The following BTRC variants were observed in gnomAD, a reference collection of about 807,000 sequenced individuals.
BTRC encodes F-box/WD repeat-containing protein 1A.
BTRC carries 42 observed loss-of-function variants against 85.5 expected under a neutral mutation model. That is an observed-to-expected ratio of 0.49 (90% CI 0.38 to 0.64). BTRC has a LOEUF of 0.64. Among genes scored for constraint, BTRC ranks in the 30% least tolerant of loss-of-function variants. The pLI is 0.00. For synonymous variants in BTRC, 255 were observed against 263.3 expected, an observed-to-expected ratio of 0.97 and a Z score of 0.30; for missense variants, 594 against 743.5, an observed-to-expected ratio of 0.80 and a Z score of 2.34.
intron 1 of BTRC, chr10:101,364,985 T>C (rs1243950635): frequency 6.6e-6 from 1 of 152,096 alleles, no homozygotes; most frequent in Non-Finnish European, 1.5e-5. Context: ...GATACTAAAC[T>C]GATGAGAACA....
chr10:101,524,836 C>G (rs2062166764), intron 5 of BTRC, among the ~76,000 whole-genome samples: 1 of 152,148 alleles, frequency 6.6e-6, no homozygotes, highest in Non-Finnish European at 1.5e-5. Context: ...TACATACGAA[C>G]ATGTGATGCC....
chr10:101,531,122 C>T (rs1275011777), intron 6 of BTRC, 115 bp from the exon 7 acceptor site: 1 of 779,984 alleles, frequency 1.3e-6, no homozygotes, highest in Non-Finnish European at 2.0e-6. Flanking sequence ...AGTGAGCCAA[C>T]ATCACACTGC....
At chr10:101,459,496 A>G (rs1945166170) in intron 2 of BTRC, among the ~76,000 whole-genome samples, 1 of 152,108 alleles carries the variant, frequency 6.6e-6, no homozygotes, top group African/African-American at 2.4e-5. Flanking sequence ...TATAAGTTGG[A>G]TTTTTTGTTT....
intron 2 of BTRC, among the ~76,000 whole-genome samples, chr10:101,431,303 C>A (rs950541619): frequency 6.6e-6 from 1 of 151,924 alleles, no homozygotes; most frequent in African/African-American, 2.4e-5. Flanking sequence ...TCTCGAACTC[C>A]TGACCTCAGG....
intron 1 of BTRC, among the ~76,000 whole-genome samples, chr10:101,420,864 A>G (rs536687651): frequency 6.6e-6 from 1 of 151,954 alleles, no homozygotes; most frequent in South Asian, 2.1e-4. Context: ...TTTATTTTTG[A>G]AAAACTCACT....
At chr10:101,505,177 A>ATATT (rs1344102937) in intron 4 of BTRC, among the ~76,000 whole-genome samples, 25 of 139,394 alleles carry the variant, frequency 1.8e-4, no homozygotes, top group Admixed American at 6.5e-4. Flanking sequence ...ATATATATAT[A>ATATT]TTTTTTAGTA....
At position 101,536,665 on chromosome 10, in the gene BTRC, AAC is replaced by A. The variant is rs778895314; in HGVS notation, c.1577+14_1577+15del. 189 of 1,578,974 alleles carry A rather than the reference AAC, an allele frequency of 1.2e-4. No individual in the cohort carries two copies. Among genetic ancestry groups the A allele is most frequent in the Non-Finnish European group, 1.5e-4 (174 of 1,148,982 alleles). On this transcript the variant is annotated intron_variant, in intron 12 of 14. Coordinates refer to ENST00000370187, the MANE Select transcript of BTRC (RefSeq NM_033637.4). ...GGGGCCTATGATGGGTGAGTGTGCT[AAC>A]AGAGTGTAAAAAAGAGAAAATCTAC...
At chr10:101,511,718 C>T (rs1441064451) in intron 4 of BTRC, among the ~76,000 whole-genome samples, 1 of 152,138 alleles carries the variant, frequency 6.6e-6, no homozygotes, top group South Asian at 2.1e-4. Context: ...GACAGGATTT[C>T]GCTATGTATG....
At chr10:101,497,091 T>TG (rs1321808533) in intron 4 of BTRC, among the ~76,000 whole-genome samples, 1 of 152,234 alleles carries the variant, frequency 6.6e-6, no homozygotes, top group Non-Finnish European at 1.5e-5. Flanking sequence ...TTGTATATGA[T>TG]GCGTGGTAGA....
chr10:101,375,305 C>A (rs1008415569), intron 1 of BTRC, among the ~76,000 whole-genome samples: 1 of 152,028 alleles, frequency 6.6e-6, no homozygotes, highest in Non-Finnish European at 1.5e-5. Context: ...CCTGCTTCGG[C>A]CATATAAGAT....
At chr10:101,534,458 C>T (rs1426434494) in intron 9 of BTRC, among the ~76,000 whole-genome samples, 1 of 152,042 alleles carries the variant, frequency 6.6e-6, no homozygotes, top group East Asian at 1.9e-4. Flanking sequence ...GTGGCTGCCA[C>T]TTCATCCTTG....
In BTRC at chr10:101,554,733, CG is replaced by C. The variant is rs1160343738; in HGVS notation, c.*1612del. On this transcript the variant is annotated 3_prime_UTR_variant, in exon 15 of 15. Transcript: ENST00000370187. ...CAAGGGTCAGGCAAACCCAGTCACT[CG>C]GAAGGCAGCTGTGTGAGCTGCCAAG... 18 of 152,738 alleles carry C rather than the reference CG, an allele frequency of 1.2e-4. No individual in the cohort carries two copies. Among genetic ancestry groups the C allele is most frequent in the African/African-American group, 4.3e-4 (18 of 41,542 alleles). The allele number at this position is 152,738 out of a possible 1,614,324, so 9.5% of individuals were successfully genotyped here.
intron 4 of BTRC, 116 bp downstream of exon 4, chr10:101,479,573 A>G: frequency 1.4e-6 from 1 of 706,934 alleles, no homozygotes; most frequent in Middle Eastern, 3.2e-4. Flanking sequence ...GTTAAGAAAA[A>G]AATACAAACA....
chr10:101,538,729 G>GGA (rs143763778), intron 13 of BTRC, among the ~76,000 whole-genome samples: 1 of 152,108 alleles, frequency 6.6e-6, no homozygotes, highest in African/African-American at 2.4e-5. Context: ...CAAAATCTGA[G>GGA]GACCTGTACA....
At chr10:101,361,458 T>C (rs1052790584) in intron 1 of BTRC, among the ~76,000 whole-genome samples, 1 of 152,204 alleles carries the variant, frequency 6.6e-6, no homozygotes, top group Non-Finnish European at 1.5e-5. Context: ...ATAGTGAGAA[T>C]CCATTGAGGA....
At chr10:101,461,446 A>G (rs1043316869) in intron 2 of BTRC, among the ~76,000 whole-genome samples, 4 of 152,114 alleles carry the variant, frequency 2.6e-5, no homozygotes, top group African/African-American at 9.7e-5. Flanking sequence ...GTTTGAGGTG[A>G]CAGTGCCAAG....
chr10:101,386,248 A>G (rs996269025), intron 1 of BTRC, among the ~76,000 whole-genome samples: 1 of 152,240 alleles, frequency 6.6e-6, no homozygotes, highest in African/African-American at 2.4e-5. Flanking sequence ...GGTATAACCA[A>G]GCAAATGCCC....
chr10:101,538,824 G>T (rs2062425412), intron 13 of BTRC, among the ~76,000 whole-genome samples: 1 of 152,112 alleles, frequency 6.6e-6, no homozygotes, highest in African/African-American at 2.4e-5. Context: ...AAGGCAGATG[G>T]ATCACCTGAG....
At chr10:101,500,933 TC>T in intron 4 of BTRC, among the ~76,000 whole-genome samples, 1 of 152,200 alleles carries the variant, frequency 6.6e-6, no homozygotes, top group East Asian at 1.9e-4. Context: ...GTGGCTCAAG[TC>T]TGTAATCCCA....
Sources: allele counts gnomAD v4.1 joint callset (sites outside exome capture counted in the v4.1 genomes callset), GRCh38; gene constraint gnomAD v4.1.1; transcripts MANE v1.5; gene names NCBI Gene and HGNC (gene_info 2026-07-23, HGNC 2026-07-21).